The following SP2 variants were observed in gnomAD, a reference collection of about 807,000 sequenced individuals.
SP2 encodes Sp2 transcription factor.
SP2 carries 9 observed loss-of-function variants against 50.1 expected under a neutral mutation model. The ratio of observed to expected loss-of-function variants is 0.18; its 90% CI spans 0.11 to 0.31. SP2 has a LOEUF of 0.31. Among genes scored for constraint, SP2 ranks in the 10% least tolerant of loss-of-function variants. The probability of loss-of-function intolerance (pLI) is 1.00; values close to 1 mark genes in which losing one functional copy is unlikely to be tolerated. For missense variants in SP2, 581 were observed against 806.5 expected, an observed-to-expected ratio of 0.72 and a Z score of 3.39; for synonymous variants, 313 against 326.6, an observed-to-expected ratio of 0.96 and a Z score of 0.45.
chr17:47,928,235 C>T lies in SP2; in HGVS notation c.*411C>T, dbSNP rs1211014623. 1 of 167,436 alleles carries T rather than the reference C, an allele frequency of 6.0e-6. No individual in the cohort carries two copies. Among genetic ancestry groups the T allele is most frequent in the Non-Finnish European group, 1.3e-5 (1 of 75,172 alleles). The allele number at this position is 167,436 out of a possible 1,614,324, so 10.4% of individuals were successfully genotyped here. ...TGCCATGCCCCCTCTCCTGCACCTC[C>T]CTGGCCCTGCCGGCCACTGTGGACG... On this transcript the variant is annotated 3_prime_UTR_variant, in exon 7 of 7. Transcript: ENST00000376741.
At chr17:47,923,330 G>A in intron 4 of SP2, 56 bp downstream of exon 4, 2 of 1,412,746 alleles carry the variant, frequency 1.4e-6, no homozygotes, top group Admixed American at 2.0e-5. Flanking sequence ...CCTAGCAGGT[G>A]GAAACTATGG....
intron 1 of SP2, among the ~76,000 whole-genome samples, chr17:47,904,740 A>G (rs2034690878): frequency 6.6e-6 from 1 of 152,142 alleles, no homozygotes; most frequent in Non-Finnish European, 1.5e-5. Context: ...CTCTTTTACC[A>G]TGGTTTTAAT....
At chr17:47,900,762 G>A (rs1804968279) in intron 1 of SP2, among the ~76,000 whole-genome samples, 1 of 152,218 alleles carries the variant, frequency 6.6e-6, no homozygotes, top group South Asian at 2.1e-4. Flanking sequence ...GGGTAACAGA[G>A]CAAGACTCCA....
At chr17:47,902,774 A>G (rs868375131) in intron 1 of SP2, among the ~76,000 whole-genome samples, 19 of 151,840 alleles carry the variant, frequency 1.3e-4, no homozygotes, top group African/African-American at 4.6e-4. Context: ...TTGTTTTTTG[A>G]GATGTTGTTT....
At chr17:47,906,762 C>T (rs2143835025) in intron 1 of SP2, among the ~76,000 whole-genome samples, 1 of 152,214 alleles carries the variant, frequency 6.6e-6, no homozygotes, top group Non-Finnish European at 1.5e-5. Flanking sequence ...GCTCAGTGCC[C>T]CAGGTGTCTG....
intron 1 of SP2, chr17:47,897,781 CTTGTT>C (rs1241559953): frequency 3.8e-6 from 3 of 799,666 alleles, no homozygotes; most frequent in Non-Finnish European, 4.5e-6. Flanking sequence ...ACTGCAGTGT[CTTGTT>C]TTGTTTTAAA....
intron 1 of SP2, among the ~76,000 whole-genome samples, chr17:47,913,426 C>T (rs1399875072): frequency 2.0e-5 from 3 of 152,156 alleles, no homozygotes; most frequent in Admixed American, 6.5e-5. Flanking sequence ...TCTGTACTTA[C>T]TGAAATCTGC....
At position 47,916,705 on chromosome 17, in the gene SP2, C is replaced by T; in HGVS notation, c.634C>T (p.Leu212Phe). 1 of 1,613,478 alleles carries T rather than the reference C, an allele frequency of 6.2e-7. No homozygotes were observed. Among genetic ancestry groups the T allele is most frequent in the Non-Finnish European group, 8.5e-7 (1 of 1,179,546 alleles). Reference protein sequence around the residue: ...KLTGGGGNVTLTLPVNNLVNA... With the variant: ...KLTGGGGNVTFTLPVNNLVNA... ...GACAGGTGGGGGCGGCAATGTGACGCTCACTCTGCCCGTCAACAACCTTGT... is the reference window on the plus strand; with the variant it reads ...GACAGGTGGGGGCGGCAATGTGACGTTCACTCTGCCCGTCAACAACCTTGT... Residue 212 changes from leucine to phenylalanine, a missense_variant, in exon 3 of 7, where the codon CTC becomes TTC. By Grantham distance (22) the Leu-to-Phe change is conservative. This residue lies in a region of SP2 where 397 missense variants were observed against 491.0 expected (regional missense o/e 0.81). Coordinates refer to ENST00000376741, the MANE Select transcript of SP2 (RefSeq NM_003110.6). The surrounding 1 kb of genome is among the most constrained non-coding windows in gnomAD (Gnocchi z 4.7).
At chr17:47,917,677 A>C (rs912550583) in intron 3 of SP2, 1 of 268,124 alleles carries the variant, frequency 3.7e-6, no homozygotes, top group African/African-American at 2.4e-5. Context: ...GCTGGAGTGC[A>C]GTGATGCGGT....
intron 6 of SP2, among the ~76,000 whole-genome samples, chr17:47,926,479 A>G (rs2035655780): frequency 6.6e-6 from 1 of 151,648 alleles, no homozygotes; most frequent in African/African-American, 2.4e-5. Flanking sequence ...CACCTGGCTA[A>G]TTTTAAAATT....
chr17:47,915,154 C>T (rs894153743), intron 1 of SP2, among the ~76,000 whole-genome samples, 158 bp from the exon 2 acceptor site: 2 of 150,916 alleles, frequency 1.3e-5, no homozygotes, highest in African/African-American at 4.9e-5. Flanking sequence ...GGGAGGTTGC[C>T]GTGAGCCTAG....
intron 1 of SP2, among the ~76,000 whole-genome samples, chr17:47,906,078 G>C (rs1408615196): frequency 1.3e-5 from 2 of 152,288 alleles, no homozygotes; most frequent in East Asian, 3.9e-4. Flanking sequence ...TAGCTGGATG[G>C]GATTTGCACT....
At position 47,916,256 on chromosome 17, in the gene SP2, C is replaced by A. The variant is rs201198537; in HGVS notation, c.185C>A (p.Pro62His). The A allele has an allele frequency of 1.6e-5, 26 of 1,614,024 alleles. No individual in the cohort carries two copies. In the African/African-American group the frequency reaches 3.2e-4, roughly 20 times the overall value. The part of the protein sequence containing the change: ...AAVTPPAPPQ[P>H]TPRKLVPIKP... ...GTGACACCTCCTGCTCCCCCACAGC[C>A]CACACCGCGGAAACTTGTCCCTATC... is the stretch of plus-strand genomic sequence containing the variant. Residue 62 changes from proline (P) to histidine (H), a missense_variant, in exon 3 of 7, where the codon CCC (proline) becomes CAC (histidine). Pro to His is a moderately conservative substitution (Grantham distance 77). Transcript: ENST00000376741. The surrounding 1 kb of genome is among the most constrained non-coding windows in gnomAD (Gnocchi z 4.7).
intron 3 of SP2, 101 bp from the exon 4 acceptor site, chr17:47,922,861 G>A (rs2035512341): frequency 4.0e-6 from 4 of 1,009,556 alleles, no homozygotes; most frequent in Non-Finnish European, 5.9e-6. Flanking sequence ...GAGACTTTTA[G>A]TGGACAGGCG....
At chr17:47,927,552 A>C (rs1342276802) in intron 6 of SP2, among the ~76,000 whole-genome samples, 172 bp from the exon 7 acceptor site, 1 of 148,736 alleles carries the variant, frequency 6.7e-6, no homozygotes, top group Non-Finnish European at 1.5e-5. Flanking sequence ...AAAAAAAAAA[A>C]GATATAGATG....
intron 1 of SP2, among the ~76,000 whole-genome samples, chr17:47,911,804 C>CA (rs35302370): frequency 0.046 from 3,211 of 70,354 alleles, 41 homozygotes; most frequent in Middle Eastern, 0.083. Context: ...GACTCCGTCT[C>CA]AAAAAAAAAA....
chr17:47,929,434 G>T (rs2144122920), downstream of SP2, among the ~76,000 whole-genome samples: 1 of 152,316 alleles, frequency 6.6e-6, no homozygotes. Context: ...AAGGGCCAAG[G>T]TCCCTTCCCA....
chr17:47,897,440 C>T (rs961741874), intron 1 of SP2: 4 of 152,180 alleles, frequency 2.6e-5, no homozygotes, highest in African/African-American at 9.7e-5. Context: ...CTTATTGTTT[C>T]CTAGAGAAAG....
At chr17:47,907,435 A>G (rs2034807901) in intron 1 of SP2, among the ~76,000 whole-genome samples, 1 of 152,194 alleles carries the variant, frequency 6.6e-6, no homozygotes, top group Non-Finnish European at 1.5e-5. Flanking sequence ...ACTTTGTTTG[A>G]TGCCCCTGGA....
Sources: allele counts gnomAD v4.1 joint callset (sites outside exome capture counted in the v4.1 genomes callset), GRCh38; gene constraint gnomAD v4.1.1; regional missense constraint gnomAD v4.1.1; non-coding constraint Gnocchi (gnomAD v3.1); transcripts MANE v1.5; gene names NCBI Gene and HGNC (gene_info 2026-07-23, HGNC 2026-07-21).